The following TRIM2 variants were observed in gnomAD, a reference collection of about 807,000 sequenced individuals.
TRIM2 encodes tripartite motif-containing protein 2.
In TRIM2, 20 loss-of-function variants were observed where a neutral mutation model predicts 75.2. The ratio of observed to expected loss-of-function variants is 0.27; its 90% CI spans 0.19 to 0.39. The LOEUF (loss-of-function observed/expected upper bound fraction) is 0.39, where lower values mean the gene tolerates loss of function less well. Ranked by LOEUF, TRIM2 falls within the 10% of genes least tolerant of loss-of-function variation. The pLI, the probability that TRIM2 is intolerant of heterozygous loss-of-function variation, is 1.00. For missense variants in TRIM2, 660 were observed against 990.8 expected (o/e 0.67, Z 4.48); for synonymous variants, 373 against 388.3 (o/e 0.96, Z 0.46).
chr4:153,290,060 A>G (rs1691056782), intron 3 of TRIM2, among the ~76,000 whole-genome samples: 1 of 152,236 alleles, frequency 6.6e-6, no homozygotes, highest in South Asian at 2.1e-4. Flanking sequence ...ATCTAGAAAT[A>G]AAATGTCTGG....
At chr4:153,202,228 T>C (rs1039355078), upstream of TRIM2, among the ~76,000 whole-genome samples, 14 of 152,264 alleles carry the variant, frequency 9.2e-5, no homozygotes, top group Admixed American at 2.6e-4. Flanking sequence ...TGATAATTCA[T>C]TTTGACAACT....
intron 1 of TRIM2, among the ~76,000 whole-genome samples, chr4:153,164,672 T>G (rs1457766016): frequency 6.6e-6 from 1 of 152,342 alleles, no homozygotes; most frequent in East Asian, 1.9e-4. Context: ...GAAATGTCCT[T>G]GGATATACAT....
chr4:153,162,020 C>G (rs1729788640), intron 1 of TRIM2, among the ~76,000 whole-genome samples: 1 of 152,194 alleles, frequency 6.6e-6, no homozygotes, highest in South Asian at 2.1e-4. Context: ...CCAATTTGGC[C>G]AGCTTACTTT....
At chr4:153,239,215 C>T (rs4696177) in intron 1 of TRIM2, among the ~76,000 whole-genome samples, 1,666 of 151,682 alleles carry the variant, frequency 0.011, 19 homozygotes, top group Non-Finnish European at 0.017. Flanking sequence ...AGCCAGGCGT[C>T]GTGGCGGGCA....
At chr4:153,312,924 C>T (rs897203375) in intron 6 of TRIM2, among the ~76,000 whole-genome samples, 2 of 152,054 alleles carry the variant, frequency 1.3e-5, no homozygotes, top group African/African-American at 4.8e-5. Flanking sequence ...ATTATTCAGA[C>T]ATGGGGGAAA....
At chr4:153,297,165 A>G (rs986381779) in intron 6 of TRIM2, among the ~76,000 whole-genome samples, 11 of 152,234 alleles carry the variant, frequency 7.2e-5, no homozygotes, top group Admixed American at 5.2e-4. Context: ...GAGCTGCTCA[A>G]TGTTAATGCT....
intron 9 of TRIM2, among the ~76,000 whole-genome samples, chr4:153,323,576 G>T (rs182116901): frequency 6.6e-6 from 1 of 152,242 alleles, no homozygotes; most frequent in Admixed American, 6.5e-5. Context: ...CGACCTCCTG[G>T]GTTCAAGTGA....
intron 1 of TRIM2, among the ~76,000 whole-genome samples, chr4:153,165,020 C>T (rs971889419): frequency 6.6e-6 from 1 of 151,954 alleles, no homozygotes; most frequent in Admixed American, 6.6e-5. Context: ...AGATATGTCA[C>T]GATTATTAAA....
intron 1 of TRIM2, among the ~76,000 whole-genome samples, chr4:153,217,414 A>G (rs1738782887): frequency 6.6e-6 from 1 of 152,154 alleles, no homozygotes; most frequent in South Asian, 2.1e-4. Flanking sequence ...AGAAAAGGCC[A>G]CCCCAGACTC....
At position 153,299,355 on chromosome 4, in the gene TRIM2, G is replaced by GTATATATA. The variant is rs139493331; in HGVS notation, c.1510+3326_1510+3333dup. On this transcript the variant is annotated intron_variant, in intron 6 of 11. Coordinates refer to ENST00000338700, the MANE Select transcript of TRIM2 (RefSeq NM_015271.5). Reference sequence around the variant, plus strand: ...ATAGTATTCCATTGTGTGTGTATGTGTATATATATATATACACACAGTGAA... The same window carrying GTATATATA: ...ATAGTATTCCATTGTGTGTGTATGTGTATATATATATATATATATATACACACAGTGAA... 3.7e-3 allele frequency among the ~76,000 whole-genome samples: 558 copies of GTATATATA among 150,624 alleles called. 1 individual carries two copies. The highest frequency in any genetic ancestry group is 0.013 in the African/African-American group (531 of 41,086).
chr4:153,246,143 A>T (rs1578926177), intron 1 of TRIM2, among the ~76,000 whole-genome samples: 2 of 152,222 alleles, frequency 1.3e-5, no homozygotes, highest in African/African-American at 4.8e-5. Context: ...ACAATAGTTC[A>T]CATATTTTGA....
chr4:153,267,974 T>A (rs893123682), intron 1 of TRIM2, among the ~76,000 whole-genome samples: 2 of 151,604 alleles, frequency 1.3e-5, no homozygotes, highest in Non-Finnish European at 1.5e-5. Context: ...GGGATCGGAG[T>A]TTTTAAAGAT....
intron 6 of TRIM2, chr4:153,308,066 C>G (rs1368225094): frequency 1.2e-6 from 1 of 801,838 alleles, no homozygotes; most frequent in Non-Finnish European, 2.3e-6. Flanking sequence ...GACTGTAGCT[C>G]TTGTACCTAT....
chr4:153,333,875 G>A (rs910776026), intron 11 of TRIM2, among the ~76,000 whole-genome samples: 2 of 152,082 alleles, frequency 1.3e-5, no homozygotes, highest in African/African-American at 4.8e-5. Context: ...CAAATACTAG[G>A]CTATTTTATA....
intron 1 of TRIM2, among the ~76,000 whole-genome samples, chr4:153,205,414 G>A (rs1735123047): frequency 6.6e-6 from 1 of 152,186 alleles, no homozygotes; most frequent in African/African-American, 2.4e-5. Context: ...TGCGCAAAGG[G>A]CAAGGAAAGG....
chr4:153,193,394 G>T lies in TRIM2; in HGVS notation c.-49+40124G>T, dbSNP rs10031711. Among the ~76,000 whole-genome samples, 843 of 152,276 alleles carry T rather than the reference G, an allele frequency of 5.5e-3. 8 individuals are homozygous for T. The highest frequency in any genetic ancestry group is 0.019 in the African/African-American group (778 of 41,552). The stretch of plus-strand genomic sequence containing the variant: ...GATCCGCCCGCCTTGTCCTCCCAAA[G>T]TGCTGGGATTACAGGCATGAGCCAC... On this transcript the variant is annotated intron_variant, in intron 1 of 11. Coordinates refer to the TRIM2 transcript ENST00000437508.
rs1233417903 is a variant in TRIM2, at chr4:153,337,794, T to G, written c.*2828T>G. 1.0e-6 allele frequency: 1 copy of G among 985,742 alleles called. No individual in the cohort carries two copies. Among genetic ancestry groups the G allele is most frequent in the Non-Finnish European group, 1.2e-6 (1 of 829,934 alleles). 61.1% of individuals were successfully genotyped at this position (985,742 alleles called of 1,614,324 possible). A position where few individuals can be genotyped will look rare whatever the true frequency, so the allele number is the denominator to read the frequency against. On this transcript the variant is annotated 3_prime_UTR_variant, in exon 12 of 12. Coordinates refer to ENST00000338700, the MANE Select transcript of TRIM2 (RefSeq NM_015271.5). Reference sequence around the variant, plus strand: ...GAACCTGTCATACATTCATGATAAGTAGCACTGAAAAATTACTCATTCAAA... The same window carrying G: ...GAACCTGTCATACATTCATGATAAGGAGCACTGAAAAATTACTCATTCAAA...
rs1772622647 is a variant in TRIM2, at chr4:153,337,837, A to G, written c.*2871A>G. On this transcript the variant is annotated 3_prime_UTR_variant, in exon 12 of 12. Transcript: ENST00000338700. Reference sequence around the variant, plus strand: ...CATTCAAATTTCCCCTGGGCACGTAAGGCAAAATATTGCCGGTTGGGATTT... The same window carrying G: ...CATTCAAATTTCCCCTGGGCACGTAGGGCAAAATATTGCCGGTTGGGATTT... 1 of 985,742 alleles carries G rather than the reference A, an allele frequency of 1.0e-6. No individual in the cohort carries two copies. Among genetic ancestry groups the G allele is most frequent in the African/African-American group, 1.7e-5 (1 of 57,232 alleles). 61.1% of individuals were successfully genotyped at this position (985,742 alleles called of 1,614,324 possible).
chr4:153,333,004 C>T (rs1771829845), intron 11 of TRIM2, among the ~76,000 whole-genome samples: 1 of 152,170 alleles, frequency 6.6e-6, no homozygotes, highest in Non-Finnish European at 1.5e-5. Flanking sequence ...TACGTCCACA[C>T]AAAAACCTGT....
Sources: gnomAD v4.1 joint callset for allele counts (sites outside exome capture counted in the v4.1 genomes callset) on GRCh38, gnomAD v4.1.1 for gene constraint, MANE v1.5 for transcripts, NCBI Gene and HGNC (gene_info 2026-07-23, HGNC 2026-07-21) for gene names.